Variants in CHL1 observed in about 807,000 individuals in gnomAD.
CHL1 encodes cell adhesion molecule L1 like.
Under a neutral mutation model 141.9 loss-of-function variants are expected in CHL1, and 96 were observed. That is an observed-to-expected ratio of 0.68 (90% confidence interval 0.57 to 0.80). CHL1 has a LOEUF of 0.80. Ranked by LOEUF, CHL1 falls within the 30% of genes least tolerant of loss-of-function variation. The pLI, the probability that CHL1 is intolerant of heterozygous loss-of-function variation, is 0.00. For missense variants in CHL1, 1,820 were observed against 1,457.2 expected (o/e 1.25, Z -4.05); for synonymous variants, 613 against 502.2 (o/e 1.22, Z -2.95).
In CHL1 at chr3:391,790, T is replaced by C; in HGVS notation, c.2907T>C (p.Tyr969=). The change falls in exon 23 of 28, where the codon TAT becomes TAC. Residue 969 remains tyrosine (Y), a synonymous_variant. Transcript: ENST00000256509. ...NGNLTGYLLQ[Y]QIINDTYEIG... ...ACTTAACTGGCTATCTTTTGCAATATCAGATAAGTAAGTAGAAATTTGAAT... is the reference window on the plus strand; with the variant it reads ...ACTTAACTGGCTATCTTTTGCAATACCAGATAAGTAAGTAGAAATTTGAAT... 1 of 1,582,046 alleles carries C rather than the reference T, an allele frequency of 6.3e-7. No individual in the cohort carries two copies. Among genetic ancestry groups the C allele is most frequent in the Non-Finnish European group, 8.6e-7 (1 of 1,166,162 alleles).
chr3:382,394 T>G, intron 17 of CHL1, 80 bp from the exon 18 acceptor site: 1 of 1,479,404 alleles, frequency 6.8e-7, no homozygotes, highest in East Asian at 2.3e-5. Context: ...CTTTTGAACT[T>G]TTAATATTGA....
intron 2 of CHL1, among the ~76,000 whole-genome samples, chr3:317,684 C>T (rs1017850360): frequency 3.4e-5 from 5 of 149,250 alleles, no homozygotes; most frequent in Admixed American, 1.3e-4. Flanking sequence ...AAAGAAAATT[C>T]GAAGGGGCAG....
intron 1 of CHL1, among the ~76,000 whole-genome samples, chr3:236,024 A>G (rs1005564569): frequency 8.5e-5 from 13 of 152,260 alleles, no homozygotes; most frequent in African/African-American, 3.1e-4. Context: ...CATGCTTGAA[A>G]CATGGCCTCA....
intron 15 of CHL1, among the ~76,000 whole-genome samples, chr3:377,386 T>C (rs755316537): frequency 2.8e-4 from 42 of 152,336 alleles, no homozygotes; most frequent in Non-Finnish European, 5.6e-4. Context: ...TCAGGTATTC[T>C]GGTTCTGTGG....
intron 2 of CHL1, among the ~76,000 whole-genome samples, chr3:286,525 C>G (rs1403087571): frequency 1.3e-5 from 2 of 150,754 alleles, no homozygotes; most frequent in Non-Finnish European, 2.9e-5. Context: ...GCAGGAGAAC[C>G]ACTTGAACTT....
At chr3:388,076 C>T (rs533556209) in intron 19 of CHL1, among the ~76,000 whole-genome samples, 102 of 152,248 alleles carry the variant, frequency 6.7e-4, no homozygotes, top group Non-Finnish European at 1.3e-3. Flanking sequence ...ATAAGTGAAC[C>T]TTAAATTTAG....
intron 1 of CHL1, among the ~76,000 whole-genome samples, chr3:209,690 A>G (rs1301040130): frequency 6.6e-6 from 1 of 152,164 alleles, no homozygotes; most frequent in Non-Finnish European, 1.5e-5. Context: ...CATTAAGTAC[A>G]TCTCCTAATG....
At position 201,295 on chromosome 3, in the gene CHL1, T is replaced by A. The variant is rs373260590; in HGVS notation, c.-175+4232T>A. ...CAGTGCACAAATAGACCATAACTAA[T>A]TGAGATTTTATGTGTTGTGGGTAAA... On this transcript the variant is annotated intron_variant, in intron 1 of 27. Coordinates refer to ENST00000256509, the MANE Select transcript of CHL1 (RefSeq NM_006614.4). Among the ~76,000 whole-genome samples the A allele has an allele frequency of 2.3e-4, 35 of 152,344 alleles. No individual in the cohort carries two copies. The East Asian group carries it at 3.5e-3, about 15-fold the overall frequency.
intron 2 of CHL1, among the ~76,000 whole-genome samples, chr3:307,069 C>T (rs939976468): frequency 6.6e-6 from 1 of 152,168 alleles, no homozygotes; most frequent in Non-Finnish European, 1.5e-5. Flanking sequence ...AGAAAGTTTA[C>T]CGCAGATAAT....
chr3:257,353 C>CTTCTTCTTCTTCTT (rs1694266914), intron 2 of CHL1, among the ~76,000 whole-genome samples: 34 of 137,160 alleles, frequency 2.5e-4, no homozygotes, highest in African/African-American at 8.8e-4. Context: ...TTTTCTTCTT[C>CTTCTTCTTCTTCTT]TTTTTTTTTT....
intron 2 of CHL1, among the ~76,000 whole-genome samples, chr3:255,024 T>A (rs1040965740): frequency 6.6e-6 from 1 of 152,190 alleles, no homozygotes; most frequent in Admixed American, 6.5e-5. Context: ...TATCTCCATC[T>A]CTAGCTACAA....
intron 1 of CHL1, among the ~76,000 whole-genome samples, chr3:221,927 T>G (rs1227664557): frequency 6.6e-6 from 1 of 152,228 alleles, no homozygotes; most frequent in Non-Finnish European, 1.5e-5. Context: ...TTTTATGACT[T>G]AGGTTTCTGT....
At chr3:228,554 A>G (rs1293385454) in intron 1 of CHL1, among the ~76,000 whole-genome samples, 2 of 152,102 alleles carry the variant, frequency 1.3e-5, no homozygotes, top group African/African-American at 4.8e-5. Context: ...TTCCATCTCT[A>G]TTTATTTTCT....
In CHL1 at chr3:349,545, T is replaced by C; in HGVS notation, c.1033+2T>C. The C allele has an allele frequency of 6.2e-7, 1 of 1,609,548 alleles. No individual in the cohort carries two copies. Among genetic ancestry groups the C allele is most frequent in the Non-Finnish European group, 8.5e-7 (1 of 1,178,084 alleles). On this transcript the variant is annotated splice_donor_variant, in intron 10 of 27. Coordinates refer to ENST00000256509, the MANE Select transcript of CHL1 (RefSeq NM_006614.4). LOFTEE classifies it high-confidence loss of function. Reference sequence around the variant, plus strand: ...ACGATTTTCACGTTATAGTAGAAGGTACCTTTCCCATGTTGGTCTATTTCT... The same window carrying C: ...ACGATTTTCACGTTATAGTAGAAGGCACCTTTCCCATGTTGGTCTATTTCT...
intron 2 of CHL1, among the ~76,000 whole-genome samples, chr3:258,532 T>C (rs921656899): frequency 3.9e-5 from 6 of 152,236 alleles, no homozygotes; most frequent in Admixed American, 6.5e-5. Context: ...AACCCTGTTC[T>C]ATTACTTTCA....
intron 2 of CHL1, among the ~76,000 whole-genome samples, chr3:269,490 G>T (rs750427909): frequency 6.6e-5 from 10 of 152,076 alleles, no homozygotes; most frequent in African/African-American, 9.7e-5. Flanking sequence ...CCCAGGTGGG[G>T]TACATGAATG....
chr3:231,866 C>T (rs1212559099), intron 1 of CHL1, among the ~76,000 whole-genome samples: 1 of 152,114 alleles, frequency 6.6e-6, no homozygotes, highest in Non-Finnish European at 1.5e-5. Context: ...CATGAACTAC[C>T]ACACCCAGCC....
intron 2 of CHL1, among the ~76,000 whole-genome samples, chr3:290,005 T>G (rs2125335090): frequency 1.4e-5 from 2 of 147,072 alleles, no homozygotes; most frequent in South Asian, 2.2e-4. Flanking sequence ...ACTCACAGTA[T>G]ACTCATAGCC....
chr3:266,992 C>T (rs1162261234), intron 2 of CHL1, among the ~76,000 whole-genome samples: 1 of 152,104 alleles, frequency 6.6e-6, no homozygotes. Flanking sequence ...GTGTCAGCAC[C>T]TCCATAACAT....
Sources: allele counts gnomAD v4.1 joint callset (sites outside exome capture counted in the v4.1 genomes callset), GRCh38; gene constraint gnomAD v4.1.1; transcripts MANE v1.5; gene names NCBI Gene and HGNC (gene_info 2026-07-23, HGNC 2026-07-21).